Variants in STXBP5L observed in about 807,000 individuals in gnomAD.
STXBP5L encodes syntaxin-binding protein 5-like.
A neutral mutation model predicts 144.5 loss-of-function variants in STXBP5L; 65 were observed. The observed-to-expected ratio is 0.45, with a 90% CI of 0.37 to 0.55. The LOEUF (loss-of-function observed/expected upper bound fraction) is 0.55, where lower values mean the gene tolerates loss of function less well. STXBP5L is among the 20% of genes least tolerant of loss of function. The probability of loss-of-function intolerance (pLI) is 0.00; values close to 1 mark genes in which losing one functional copy is unlikely to be tolerated. For missense variants in STXBP5L, 1,298 were observed against 1,405.5 expected (o/e 0.92, Z 1.22); for synonymous variants, 505 against 469.6 (o/e 1.08, Z -0.97).
At chr3:121,284,826 C>T (rs2051176520) in intron 19 of STXBP5L, among the ~76,000 whole-genome samples, 1 of 152,084 alleles carries the variant, frequency 6.6e-6, no homozygotes, top group African/African-American at 2.4e-5. Flanking sequence ...CGTGTCTCTA[C>T]CAGTGGGCCC....
intron 3 of STXBP5L, among the ~76,000 whole-genome samples, chr3:121,008,012 T>C (rs1276650304): frequency 6.6e-6 from 1 of 152,046 alleles, no homozygotes; most frequent in Non-Finnish European, 1.5e-5. Context: ...AATAGATATT[T>C]ATCATTTTTT....
At chr3:121,356,560 G>T (rs1420099600) in intron 20 of STXBP5L, among the ~76,000 whole-genome samples, 4 of 152,210 alleles carry the variant, frequency 2.6e-5, no homozygotes, top group Non-Finnish European at 4.4e-5. Context: ...TACAGTATTT[G>T]GGTGGGAGTA....
At chr3:121,016,104 A>G (rs1945128370) in intron 3 of STXBP5L, among the ~76,000 whole-genome samples, 1 of 152,206 alleles carries the variant, frequency 6.6e-6, no homozygotes, top group South Asian at 2.1e-4. Context: ...AGCACACATC[A>G]AGTGCACTTA....
intron 10 of STXBP5L, among the ~76,000 whole-genome samples, chr3:121,220,574 T>C (rs1297940218): frequency 6.6e-6 from 1 of 152,080 alleles, no homozygotes; most frequent in Non-Finnish European, 1.5e-5. Flanking sequence ...GTAAATTGGA[T>C]TGCTTGCCAT....
chr3:121,034,019 A>G (rs1946574028), intron 3 of STXBP5L, among the ~76,000 whole-genome samples: 1 of 152,148 alleles, frequency 6.6e-6, no homozygotes, highest in South Asian at 2.1e-4. Flanking sequence ...CTAAAATAGC[A>G]CTAGGAAACT....
intron 6 of STXBP5L, among the ~76,000 whole-genome samples, chr3:121,120,632 C>A (rs1265508752): frequency 2.0e-5 from 3 of 151,138 alleles, no homozygotes; most frequent in African/African-American, 7.3e-5. Flanking sequence ...TCCAATGAAT[C>A]TGTGTTTATT....
intron 18 of STXBP5L, among the ~76,000 whole-genome samples, chr3:121,273,553 G>A (rs1482419067): frequency 6.6e-6 from 1 of 151,758 alleles, no homozygotes; most frequent in Non-Finnish European, 1.5e-5. Flanking sequence ...TTTCTCTCAA[G>A]GTTATCAAAG....
intron 9 of STXBP5L, among the ~76,000 whole-genome samples, chr3:121,188,008 G>A (rs749682408): frequency 8.6e-5 from 13 of 151,962 alleles, no homozygotes; most frequent in Admixed American, 4.6e-4. Context: ...TATATGCACC[G>A]AATGCAGGAG....
At chr3:121,256,486 A>G (rs1006397739) in intron 16 of STXBP5L, among the ~76,000 whole-genome samples, 2 of 151,998 alleles carry the variant, frequency 1.3e-5, no homozygotes, top group South Asian at 2.1e-4. Flanking sequence ...AAAGGTTTTT[A>G]GGTCACCTTT....
chr3:121,043,000 G>T (rs994810375), intron 4 of STXBP5L, among the ~76,000 whole-genome samples: 4 of 151,796 alleles, frequency 2.6e-5, no homozygotes, highest in African/African-American at 9.7e-5. Flanking sequence ...TATACTTACA[G>T]GCATAATTTG....
At chr3:121,261,082 G>A (rs2050368810) in intron 18 of STXBP5L, among the ~76,000 whole-genome samples, 1 of 152,158 alleles carries the variant, frequency 6.6e-6, no homozygotes, top group Admixed American at 6.5e-5. Context: ...CTTCTCTAGA[G>A]TTTGACCTGT....
chr3:121,060,224 G>A (rs1200568713), intron 5 of STXBP5L, among the ~76,000 whole-genome samples: 1 of 152,124 alleles, frequency 6.6e-6, no homozygotes, highest in Non-Finnish European at 1.5e-5. Flanking sequence ...CATCTTTGGA[G>A]GTAATCATGT....
intron 3 of STXBP5L, among the ~76,000 whole-genome samples, chr3:121,015,127 G>T (rs1945051381): frequency 6.6e-6 from 1 of 152,054 alleles, no homozygotes; most frequent in South Asian, 2.1e-4. Context: ...CATGATCTCA[G>T]CATGGTTTGT....
At chr3:121,233,747 A>G in intron 12 of STXBP5L, 59 bp downstream of exon 12, 2 of 1,275,952 alleles carry the variant, frequency 1.6e-6, no homozygotes, top group South Asian at 1.4e-5. Flanking sequence ...GATTATTGGC[A>G]TTTGTATTCT....
At chr3:121,103,939 C>A (rs61795518) in intron 5 of STXBP5L, among the ~76,000 whole-genome samples, 3 of 151,760 alleles carry the variant, frequency 2.0e-5, no homozygotes, top group African/African-American at 7.2e-5. Context: ...CGTAAGTGAA[C>A]GAAAATAATA....
intron 22 of STXBP5L, among the ~76,000 whole-genome samples, chr3:121,397,937 T>A (rs982607208): frequency 1.3e-5 from 2 of 152,218 alleles, no homozygotes; most frequent in African/African-American, 4.8e-5. Context: ...AAATGTCCAC[T>A]CCTGTATCTA....
chr3:121,298,059 G>A (rs191121895), intron 19 of STXBP5L, among the ~76,000 whole-genome samples: 1 of 152,230 alleles, frequency 6.6e-6, no homozygotes, highest in East Asian at 1.9e-4. Flanking sequence ...CCTCATTGCT[G>A]TTTTCCATCT....
chr3:121,240,090 A>C (rs1303972365), intron 13 of STXBP5L, among the ~76,000 whole-genome samples: 3 of 152,276 alleles, frequency 2.0e-5, no homozygotes. Context: ...ACTTCAAGAG[A>C]CACTATTTAC....
chr3:120,934,965 A>C (rs1012075300), intron 2 of STXBP5L, among the ~76,000 whole-genome samples: 23 of 151,888 alleles, frequency 1.5e-4, no homozygotes, highest in Non-Finnish European at 3.1e-4. Flanking sequence ...TCTGTCTTTT[A>C]ATTGATATAT....
Sources: gnomAD v4.1 joint callset for allele counts (sites outside exome capture counted in the v4.1 genomes callset) on GRCh38, gnomAD v4.1.1 for gene constraint, MANE v1.5 for transcripts, NCBI Gene and HGNC (gene_info 2026-07-23, HGNC 2026-07-21) for gene names.